Variants in RASGEF1B observed in about 807,000 individuals in gnomAD.
RASGEF1B encodes ras-GEF domain-containing family member 1B.
A neutral mutation model predicts 65.7 loss-of-function variants in RASGEF1B; 30 were observed. That is an observed-to-expected ratio of 0.46 (90% CI 0.34 to 0.62). RASGEF1B has a LOEUF of 0.62. RASGEF1B is among the 20% of genes least tolerant of loss of function. RASGEF1B has a pLI of 0.01. For synonymous variants in RASGEF1B, 175 were observed against 194.8 expected (o/e 0.90, Z 0.85); for missense variants, 495 against 580.1 (o/e 0.85, Z 1.51).
chr4:81,448,105 A>T lies in RASGEF1B; in HGVS notation c.618T>A (p.Pro206=). Residue 206 remains proline (P), a synonymous_variant, in exon 5 of 14, where the codon CCT becomes CCA. Transcript: ENST00000264400. The stretch of plus-strand genomic sequence containing the variant: ...GAGTCAGCTGCTGGGCCAACGTGTA[A>T]GGGTCGTTGCAGACAGTAATGATAT... ...QRDIITVCND[P]YTLAQQLTHI... The T allele has an allele frequency of 6.2e-7, 1 of 1,614,160 alleles. No individual in the cohort carries two copies. Among genetic ancestry groups the T allele is most frequent in the Non-Finnish European group, 8.5e-7 (1 of 1,180,022 alleles).
intron 2 of RASGEF1B, among the ~76,000 whole-genome samples, chr4:81,458,110 T>G (rs1417638270): frequency 1.3e-5 from 2 of 152,218 alleles, no homozygotes; most frequent in Non-Finnish European, 2.9e-5. Context: ...GTCTAGCACA[T>G]CACAGTAAAG....
chr4:81,433,602 G>A (rs1180329488), intron 12 of RASGEF1B, among the ~76,000 whole-genome samples: 3 of 152,058 alleles, frequency 2.0e-5, no homozygotes, highest in Admixed American at 6.5e-5. Flanking sequence ...GCCCATAGCT[G>A]TGCAAATCTG....
At chr4:81,457,197 A>C (rs1019140704) in intron 3 of RASGEF1B, among the ~76,000 whole-genome samples, 13 of 152,000 alleles carry the variant, frequency 8.6e-5, no homozygotes, top group Non-Finnish European at 1.3e-4. Context: ...TTGTATTTTC[A>C]GTAGAGGTGG....
rs1578640256 is a variant in RASGEF1B, at chr4:81,462,372, A to C, written c.-6-2858T>G. ...ACAAGGCACTAAAAGAATATAATGCAAATAGTGACAGAAACCAAATTGAGG... is the reference window on the plus strand; with the variant it reads ...ACAAGGCACTAAAAGAATATAATGCCAATAGTGACAGAAACCAAATTGAGG... On this transcript the variant is annotated intron_variant, in intron 1 of 13. Transcript: ENST00000264400. 2.0e-5 allele frequency among the ~76,000 whole-genome samples: 3 copies of C among 152,332 alleles called. No homozygotes were observed. The East Asian group carries it at 5.8e-4, about 29-fold the overall frequency.
chr4:81,467,740 A>G (rs1458715899), intron 1 of RASGEF1B, among the ~76,000 whole-genome samples: 1 of 152,208 alleles, frequency 6.6e-6, no homozygotes, highest in Non-Finnish European at 1.5e-5. Context: ...CATACTGTAC[A>G]GGTGAAGACG....
Position 81,457,513 on chromosome 4 carries a change from G to T in RASGEF1B, c.286C>A (p.Pro96Thr). ...LCVEHQRLSD[P>T]DSDKNQMRKI... is the part of the protein sequence containing the mutation. Reference sequence around the variant, plus strand: ...TGTACCATTACCTTATCACTATCAGGATCACTTAGTCTCTGGTGCTCAACA... The same window carrying T: ...TGTACCATTACCTTATCACTATCAGTATCACTTAGTCTCTGGTGCTCAACA... Residue 96 changes from proline to threonine, a missense_variant, in exon 3 of 14, where the codon CCT becomes ACT. Physicochemically the swap from Pro to Thr is conservative, Grantham distance 38. Coordinates refer to ENST00000264400, the MANE Select transcript of RASGEF1B (RefSeq NM_152545.3). 6.2e-7 allele frequency: 1 copy of T among 1,613,902 alleles called. No individual in the cohort carries two copies. Among genetic ancestry groups the T allele is most frequent in the Non-Finnish European group, 8.5e-7 (1 of 1,179,962 alleles).
intron 4 of RASGEF1B, among the ~76,000 whole-genome samples, chr4:81,450,480 C>T (rs946480698): frequency 2.6e-5 from 4 of 152,196 alleles, no homozygotes; most frequent in African/African-American, 9.7e-5. Context: ...ATTCTCGTGC[C>T]TCAGCCTCCT....
chr4:81,452,257 T>G (rs1043841066), intron 4 of RASGEF1B: 1 of 152,314 alleles, frequency 6.6e-6, no homozygotes, highest in Admixed American at 6.5e-5. Context: ...ATTATAGGCA[T>G]GCACCACCAC....
intron 4 of RASGEF1B, among the ~76,000 whole-genome samples, chr4:81,448,666 C>G (rs1034051769): frequency 2.0e-5 from 3 of 152,180 alleles, no homozygotes; most frequent in South Asian, 2.1e-4. Context: ...ATACATTGAT[C>G]GCAAGTCAAT....
At chr4:81,463,576 G>A (rs1406247550) in intron 1 of RASGEF1B, among the ~76,000 whole-genome samples, 2 of 152,206 alleles carry the variant, frequency 1.3e-5, no homozygotes, top group Non-Finnish European at 2.9e-5. Flanking sequence ...GCTGGACAAT[G>A]TCTAACCAGT....
rs546907988 is a variant in RASGEF1B, at chr4:81,426,981, C to CAAAAAAAAAAAA, written c.*775_*786dup. On this transcript the variant is annotated 3_prime_UTR_variant, in exon 14 of 14. Transcript: ENST00000264400. ...GTCAGTTGTAAACAGCTCAGAAGAGCAAAAAAAAAAAAAAAAAAAAAAAAA... is the reference window on the plus strand; with the variant it reads ...GTCAGTTGTAAACAGCTCAGAAGAGCAAAAAAAAAAAAAAAAAAAAAAAAAAAAAAAAAAAAA... 3 of 34,260 alleles carry CAAAAAAAAAAAA rather than the reference C, an allele frequency of 8.8e-5. No homozygotes were observed. The highest frequency in any genetic ancestry group is 1.1e-4 in the Non-Finnish European group (2 of 17,690). 2.1% of individuals were successfully genotyped at this position (34,260 alleles called of 1,614,324 possible). A position where few individuals can be genotyped will look rare whatever the true frequency, so the allele number is the denominator to read the frequency against.
intron 1 of RASGEF1B, among the ~76,000 whole-genome samples, chr4:81,469,046 G>A (rs1294203543): frequency 6.6e-6 from 1 of 152,124 alleles, no homozygotes; most frequent in Non-Finnish European, 1.5e-5. Context: ...GATCTTTTTT[G>A]TAGTTTTAAC....
intron 4 of RASGEF1B, among the ~76,000 whole-genome samples, chr4:81,450,453 C>T (rs953355573): frequency 1.3e-5 from 2 of 152,300 alleles, no homozygotes; most frequent in Admixed American, 6.5e-5. Flanking sequence ...GCCACCTCCA[C>T]CTCCCAGGTT....
intron 1 of RASGEF1B, 68 bp from the exon 2 acceptor site, chr4:81,459,582 T>A: frequency 1.8e-6 from 2 of 1,140,172 alleles, no homozygotes; most frequent in Non-Finnish European, 2.5e-6. Context: ...AGGTAAGCTT[T>A]AATAGGCACT....
chr4:81,442,201 T>C (rs1721862467), intron 9 of RASGEF1B, 96 bp downstream of exon 9: 26 of 806,540 alleles, frequency 3.2e-5, no homozygotes, highest in Non-Finnish European at 2.1e-6. Flanking sequence ...GGCTTTTTCC[T>C]CTGTCGTAGT....
intron 1 of RASGEF1B, among the ~76,000 whole-genome samples, chr4:81,470,292 G>A (rs1722975904): frequency 6.6e-6 from 1 of 151,946 alleles, no homozygotes; most frequent in South Asian, 2.1e-4. Flanking sequence ...TCACCCAAAC[G>A]GCCAACCAGG....
chr4:81,427,941 T>C, intron 13 of RASGEF1B, 149 bp from the exon 14 acceptor site: 1 of 755,776 alleles, frequency 1.3e-6, no homozygotes, highest in Non-Finnish European at 2.0e-6. Flanking sequence ...AATCAAGCTT[T>C]TAAGTCCTAT....
chr4:81,450,468 C>T (rs935587459), intron 4 of RASGEF1B, among the ~76,000 whole-genome samples: 2 of 152,150 alleles, frequency 1.3e-5, no homozygotes, highest in East Asian at 1.9e-4. Context: ...CAGGTTCAAG[C>T]GATTCTCGTG....
rs185264098 is a variant in RASGEF1B, at chr4:81,448,451, G to A, written c.439-167C>T. ...CTAGCTCTAACAGTTTGAGACACAT[G>A]CATAAGGCATTTTCAAACCTGTAAG... On this transcript the variant is annotated intron_variant, in intron 4 of 13. Transcript: ENST00000264400. Among the ~76,000 whole-genome samples the A allele has an allele frequency of 3.9e-5, 6 of 152,344 alleles. No individual in the cohort carries two copies. The East Asian group carries it at 9.6e-4, about 24-fold the overall frequency.
Sources: allele counts gnomAD v4.1 joint callset (sites outside exome capture counted in the v4.1 genomes callset), GRCh38; gene constraint gnomAD v4.1.1; transcripts MANE v1.5; gene names NCBI Gene and HGNC (gene_info 2026-07-23, HGNC 2026-07-21).